Variants in GALNTL6 observed in about 807,000 individuals in gnomAD.
The protein encoded by GALNTL6 is polypeptide N-acetylgalactosaminyltransferase-like 6.
GALNTL6 carries 46 observed loss-of-function variants against 73.7 expected under a neutral mutation model. The observed-to-expected ratio is 0.62, with a 90% CI of 0.49 to 0.80. GALNTL6 has a LOEUF of 0.80. Ranked by LOEUF, GALNTL6 falls within the 30% of genes least tolerant of loss-of-function variation. The pLI, the probability that GALNTL6 is intolerant of heterozygous loss-of-function variation, is 0.00. For synonymous variants in GALNTL6, 259 were observed against 263.7 expected, an observed-to-expected ratio of 0.98 and a Z score of 0.17; for missense variants, 604 against 755.0, an observed-to-expected ratio of 0.80 and a Z score of 2.34.
At chr4:172,647,012 T>C (rs562276477) in intron 5 of GALNTL6, among the ~76,000 whole-genome samples, 8 of 152,222 alleles carry the variant, frequency 5.3e-5, no homozygotes, top group African/African-American at 1.9e-4. Context: ...GATTTCTTAA[T>C]AACATAATTA....
chr4:172,749,952 T>A (rs1332295246), intron 5 of GALNTL6, among the ~76,000 whole-genome samples: 5 of 152,194 alleles, frequency 3.3e-5, no homozygotes, highest in African/African-American at 1.2e-4. Flanking sequence ...GTTATTGCTA[T>A]CCTTCAGAAG....
chr4:172,608,361 TC>T (rs1191994735), intron 5 of GALNTL6, among the ~76,000 whole-genome samples: 2 of 152,196 alleles, frequency 1.3e-5, no homozygotes, highest in Non-Finnish European at 2.9e-5. Context: ...TAGCCAGTTA[TC>T]CCCGTATCAT....
intron 5 of GALNTL6, among the ~76,000 whole-genome samples, chr4:172,543,347 T>G (rs1219696694): frequency 6.6e-6 from 1 of 152,222 alleles, no homozygotes; most frequent in Admixed American, 6.5e-5. Context: ...GCTAATTGGC[T>G]TTATCCAAAA....
At chr4:172,652,492 C>A (rs1740520124) in intron 5 of GALNTL6, among the ~76,000 whole-genome samples, 1 of 152,146 alleles carries the variant, frequency 6.6e-6, no homozygotes, top group Non-Finnish European at 1.5e-5. Context: ...GAAAGAGAGA[C>A]ATTGTGCCTT....
At chr4:172,386,538 G>T (rs988144122) in intron 5 of GALNTL6, among the ~76,000 whole-genome samples, 8 of 152,082 alleles carry the variant, frequency 5.3e-5, no homozygotes, top group Non-Finnish European at 1.0e-4. Context: ...ATTTATTAGG[G>T]CAATTCTCTC....
At chr4:172,338,457 G>A (rs1022706885) in intron 4 of GALNTL6, among the ~76,000 whole-genome samples, 1 of 151,458 alleles carries the variant, frequency 6.6e-6, no homozygotes, top group African/African-American at 2.4e-5. Context: ...CTATAATGTT[G>A]ATTTCTGTTC....
chr4:172,015,814 A>G (rs981393145), intron 2 of GALNTL6, among the ~76,000 whole-genome samples: 31 of 151,974 alleles, frequency 2.0e-4, no homozygotes, highest in Admixed American at 2.0e-3. Context: ...GTTTTGCTGA[A>G]TATAATTCTT....
intron 2 of GALNTL6, among the ~76,000 whole-genome samples, chr4:172,212,182 G>C (rs1200033744): frequency 6.8e-6 from 1 of 147,564 alleles, no homozygotes; most frequent in Admixed American, 6.7e-5. Context: ...TTTTTCTTTT[G>C]ACCAAGACTC....
At chr4:172,682,253 T>C (rs1732671574) in intron 5 of GALNTL6, among the ~76,000 whole-genome samples, 1 of 152,130 alleles carries the variant, frequency 6.6e-6, no homozygotes, top group Non-Finnish European at 1.5e-5. Context: ...AAAGAATTCT[T>C]CTTTTAGATC....
chr4:171,982,378 A>G lies in GALNTL6; in HGVS notation c.138+167660A>G, dbSNP rs555685965. ...AGTGGCGCGATCTCGGCCCACTGCA[A>G]GCTCTGCCTCCTGGGTTCACGTCAT... On this transcript the variant is annotated intron_variant, in intron 2 of 12. Coordinates refer to ENST00000506823, the MANE Select transcript of GALNTL6 (RefSeq NM_001034845.3). Among the ~76,000 whole-genome samples the G allele has an allele frequency of 2.1e-4, 32 of 152,130 alleles. No individual in the cohort carries two copies. The East Asian group carries it at 4.5e-3, about 21-fold the overall frequency.
Position 172,724,527 on chromosome 4 carries a change from G to T in GALNTL6, c.554-84834G>T, listed in dbSNP as rs568667894. Among the ~76,000 whole-genome samples, 3 of 152,258 alleles carry T rather than the reference G, an allele frequency of 2.0e-5. No individual in the cohort carries two copies. In the South Asian group the frequency reaches 6.2e-4, roughly 32 times the overall value. ...TCCCTGTGTTCAACTTTGTATATTA[G>T]CCTTTGCACAACTGTCTTGTGCTTT... On this transcript the variant is annotated intron_variant, in intron 5 of 12. Transcript: ENST00000506823.
At chr4:172,958,036 G>A (rs1015614171) in intron 10 of GALNTL6, among the ~76,000 whole-genome samples, 3 of 152,172 alleles carry the variant, frequency 2.0e-5, no homozygotes, top group Non-Finnish European at 4.4e-5. Context: ...GTAGGAGGCC[G>A]GATTGAAGTC....
chr4:172,777,462 G>A (rs1016202822), intron 5 of GALNTL6, among the ~76,000 whole-genome samples: 2 of 152,150 alleles, frequency 1.3e-5, no homozygotes, highest in African/African-American at 4.8e-5. Flanking sequence ...TTCTTAAAAT[G>A]TAAATTGAGA....
chr4:172,206,587 T>G (rs1188340756), intron 2 of GALNTL6, among the ~76,000 whole-genome samples: 1 of 151,944 alleles, frequency 6.6e-6, no homozygotes, highest in African/African-American at 2.4e-5. Flanking sequence ...GGGCACCTAC[T>G]TTGGAGAAGA....
intron 7 of GALNTL6, among the ~76,000 whole-genome samples, chr4:172,829,956 A>G (rs1462879478): frequency 6.6e-6 from 1 of 152,194 alleles, no homozygotes; most frequent in Non-Finnish European, 1.5e-5. Flanking sequence ...GATTGAAATA[A>G]CTCTTTGAAA....
chr4:172,054,282 C>T (rs1444756209), intron 2 of GALNTL6, among the ~76,000 whole-genome samples: 1 of 152,000 alleles, frequency 6.6e-6, no homozygotes, highest in Non-Finnish European at 1.5e-5. Flanking sequence ...GGTTTTCAAT[C>T]AAGGGTCAAA....
In GALNTL6 at chr4:171,882,757, A is replaced by G. The variant is rs1354236839; in HGVS notation, c.138+68039A>G. Among the ~76,000 whole-genome samples the G allele has an allele frequency of 5.3e-5, 8 of 152,314 alleles. No homozygotes were observed. In the East Asian group the frequency reaches 1.4e-3, roughly 26 times the overall value. ...ATTCTAGCCACGCTGGCAGTTGATTACATCTTCTTTGGCAACACCCTCACA... is the reference window on the plus strand; with the variant it reads ...ATTCTAGCCACGCTGGCAGTTGATTGCATCTTCTTTGGCAACACCCTCACA... On this transcript the variant is annotated intron_variant, in intron 2 of 12. Coordinates refer to ENST00000506823, the MANE Select transcript of GALNTL6 (RefSeq NM_001034845.3).
chr4:172,369,840 C>T (rs1379200243), intron 5 of GALNTL6, among the ~76,000 whole-genome samples: 1 of 152,192 alleles, frequency 6.6e-6, no homozygotes, highest in Non-Finnish European at 1.5e-5. Context: ...CCGGTTCCCA[C>T]CCACGCCTCT....
At position 172,101,103 on chromosome 4, in the gene GALNTL6, C is replaced by G. The variant is rs1732500767; in HGVS notation, c.139-128553C>G. 2.0e-5 allele frequency among the ~76,000 whole-genome samples: 3 copies of G among 152,228 alleles called. No homozygotes were observed. The South Asian group carries it at 6.2e-4, about 32-fold the overall frequency. On this transcript the variant is annotated intron_variant, in intron 2 of 12. Transcript: ENST00000506823. ...TTCCTGGATGAATGTTCTGCAGTCT[C>G]TATTGGGCTTATGAACTCCTCAGAC...
Sources: gnomAD v4.1 joint callset for allele counts (sites outside exome capture counted in the v4.1 genomes callset) on GRCh38, gnomAD v4.1.1 for gene constraint, MANE v1.5 for transcripts, NCBI Gene and HGNC (gene_info 2026-07-23, HGNC 2026-07-21) for gene names.